MTARC2: variants seen among roughly 807,000 people sequenced by gnomAD.
The protein encoded by MTARC2 is MOCO sulphurase C-terminal domain containing 2.
Under a neutral mutation model 35.6 loss-of-function variants are expected in MTARC2, and 27 were observed. The ratio of observed to expected loss-of-function variants is 0.76; its 90% CI spans 0.56 to 1.04. The LOEUF (loss-of-function observed/expected upper bound fraction) is 1.04. MTARC2 is among the 50% of genes least tolerant of loss of function. The pLI is 0.00. For missense variants in MTARC2, 412 were observed against 432.5 expected (o/e 0.95, Z 0.42); for synonymous variants, 158 against 167.1 (o/e 0.95, Z 0.42).
chr1:220,778,088 C>CA (rs1219512942), intron 4 of MTARC2, among the ~76,000 whole-genome samples: 1 of 151,712 alleles, frequency 6.6e-6, no homozygotes, highest in Non-Finnish European at 1.5e-5. Flanking sequence ...ACTAAAAATA[C>CA]AAAAATTAAC....
chr1:220,759,003 G>A (rs1229324461), intron 2 of MTARC2, among the ~76,000 whole-genome samples: 2 of 151,382 alleles, frequency 1.3e-5, no homozygotes, highest in African/African-American at 4.9e-5. Context: ...ACTTGTTTGT[G>A]TCTTATCTCT....
intron 2 of MTARC2, among the ~76,000 whole-genome samples, chr1:220,757,924 A>C (rs2102547526): frequency 6.6e-6 from 1 of 152,326 alleles, no homozygotes; most frequent in South Asian, 2.1e-4. Context: ...GTCCCTTCAC[A>C]GACATTTGGA....
intron 1 of MTARC2, among the ~76,000 whole-genome samples, chr1:220,751,375 T>C (rs1671119546): frequency 6.6e-6 from 1 of 152,234 alleles, no homozygotes; most frequent in African/African-American, 2.4e-5. Context: ...TTGTCCTCCC[T>C]GACCTTGGAA....
intron 4 of MTARC2, among the ~76,000 whole-genome samples, chr1:220,773,356 G>A (rs1486851837): frequency 2.0e-5 from 3 of 152,216 alleles, no homozygotes; most frequent in Non-Finnish European, 4.4e-5. Context: ...AAAACTCGGA[G>A]AGCCTCCATC....
At chr1:220,780,316 CT>C in intron 6 of MTARC2, 77 bp downstream of exon 6, 1 of 1,284,428 alleles carries the variant, frequency 7.8e-7, no homozygotes, top group South Asian at 1.4e-5. Context: ...GGTGCTATGT[CT>C]GCTTTAGGGA....
At chr1:220,770,407 A>G in intron 4 of MTARC2, 1 of 985,402 alleles carries the variant, frequency 1.0e-6, no homozygotes, top group South Asian at 4.7e-5. Flanking sequence ...GTCTTCAGAG[A>G]CGGTGGTGCG....
intron 4 of MTARC2, among the ~76,000 whole-genome samples, chr1:220,776,617 G>T (rs1159556868): frequency 1.3e-5 from 2 of 152,028 alleles, no homozygotes; most frequent in African/African-American, 4.8e-5. Flanking sequence ...GGCATTTGGG[G>T]GTGTTGCGGA....
At chr1:220,776,625 G>A (rs375051242) in intron 4 of MTARC2, among the ~76,000 whole-genome samples, 1 of 152,032 alleles carries the variant, frequency 6.6e-6, no homozygotes, top group Admixed American at 6.5e-5. Flanking sequence ...GGGGTGTTGC[G>A]GACGATTCTT....
intron 4 of MTARC2, among the ~76,000 whole-genome samples, chr1:220,777,877 G>C (rs1671960111): frequency 6.6e-6 from 1 of 152,166 alleles, no homozygotes; most frequent in South Asian, 2.1e-4. Context: ...GTTGTAATCT[G>C]TCTGGATATA....
intron 4 of MTARC2, among the ~76,000 whole-genome samples, chr1:220,778,481 T>C (rs56973006): frequency 1.1e-3 from 163 of 152,122 alleles, no homozygotes; most frequent in African/African-American, 3.9e-3. Context: ...CCCACTATCA[T>C]GAGAACAGCA....
At chr1:220,768,512 T>A (rs1342347757) in intron 4 of MTARC2, among the ~76,000 whole-genome samples, 1 of 152,136 alleles carries the variant, frequency 6.6e-6, no homozygotes, top group Non-Finnish European at 1.5e-5. Context: ...AGTGAGGACT[T>A]GCACTGTGGC....
chr1:220,756,365 T>C (rs1189689518), intron 2 of MTARC2: 1 of 152,236 alleles, frequency 6.6e-6, no homozygotes, highest in Non-Finnish European at 1.5e-5. Context: ...AATCCACAAC[T>C]CATGGTTCCC....
chr1:220,775,242 G>A (rs17008646), intron 4 of MTARC2, among the ~76,000 whole-genome samples: 3,571 of 148,278 alleles, frequency 0.024, 108 homozygotes, highest in African/African-American at 0.065. Context: ...ATGTGCACAC[G>A]TTCATTCATA....
chr1:220,783,488 G>A (rs1672137370), intron 7 of MTARC2, among the ~76,000 whole-genome samples: 1 of 152,166 alleles, frequency 6.6e-6, no homozygotes, highest in African/African-American at 2.4e-5. Context: ...CTGCATCTGA[G>A]GGAGCCCAAT....
intron 1 of MTARC2, 27 bp downstream of exon 1, chr1:220,748,830 G>T (rs1243939825): frequency 6.5e-7 from 1 of 1,550,092 alleles, no homozygotes; most frequent in African/African-American, 1.4e-5. Flanking sequence ...GCGCGGGGCA[G>T]CGCGGAGCCT....
intron 4 of MTARC2, among the ~76,000 whole-genome samples, chr1:220,779,412 T>C (rs1672002929): frequency 6.6e-6 from 1 of 152,128 alleles, no homozygotes; most frequent in Non-Finnish European, 1.5e-5. Flanking sequence ...TTTCTTTGGG[T>C]AAAATGGGGC....
intron 4 of MTARC2, among the ~76,000 whole-genome samples, chr1:220,766,109 C>G (rs943539663): frequency 6.6e-6 from 1 of 151,922 alleles, no homozygotes; most frequent in Non-Finnish European, 1.5e-5. Flanking sequence ...AAGAGGCCCC[C>G]GACGTACTCA....
At chr1:220,775,826 GCTCT>G (rs145918384) in intron 4 of MTARC2, among the ~76,000 whole-genome samples, 3,622 of 152,300 alleles carry the variant, frequency 0.024, 111 homozygotes, top group African/African-American at 0.064. Context: ...ATGGCCTCCA[GCTCT>G]ATCTATGTTG....
chr1:220,763,129 C>T (rs1407170396), intron 4 of MTARC2, 79 bp downstream of exon 4: 5 of 1,593,118 alleles, frequency 3.1e-6, no homozygotes, highest in African/African-American at 1.3e-5. Flanking sequence ...CTAGCCAGAG[C>T]CAACTCAGAT....
Sources: gnomAD v4.1 joint callset for allele counts (sites outside exome capture counted in the v4.1 genomes callset) on GRCh38, gnomAD v4.1.1 for gene constraint, MANE v1.5 for transcripts, NCBI Gene and HGNC (gene_info 2026-07-23, HGNC 2026-07-21) for gene names.